The following ATP11A variants were observed in gnomAD, a reference collection of about 807,000 sequenced individuals.
ATP11A encodes the protein ATPase phospholipid transporting 11A.
Under a neutral mutation model 154.4 loss-of-function variants are expected in ATP11A, and 81 were observed. The ratio of observed to expected loss-of-function variants is 0.52; its 90% CI spans 0.44 to 0.63. ATP11A has a LOEUF of 0.63. Ranked by LOEUF, ATP11A falls within the 30% of genes least tolerant of loss-of-function variation. The pLI, the probability that ATP11A is intolerant of heterozygous loss-of-function variation, is 0.00. For missense variants in ATP11A, 1,316 were observed against 1,474.3 expected (o/e 0.89, Z 1.76); for synonymous variants, 623 against 585.9 (o/e 1.06, Z -0.91).
Position 112,826,765 on chromosome 13 carries a change from C to T in ATP11A, c.1095C>T (p.Tyr365=), listed in dbSNP as rs748032827. The part of the protein sequence containing the change: ...LFNYIIPVSM[Y]VTVEMQKFLG... The stretch of plus-strand genomic sequence containing the variant: ...ACTACATCATCCCTGTGTCCATGTA[C>T]GTCACGGTCGAGATGCAGAAGTTCC... The change falls in exon 12 of 30, where the codon TAC becomes TAT. Residue 365 remains tyrosine, a synonymous_variant. Transcript: ENST00000375645. The T allele has an allele frequency of 7.4e-6, 12 of 1,614,178 alleles. No individual in the cohort carries two copies. The highest frequency in any genetic ancestry group is 4.0e-5 in the African/African-American group (3 of 75,032).
In ATP11A at chr13:112,746,699, C is replaced by T. The variant is rs1469301537; in HGVS notation, c.40-38436C>T. On this transcript the variant is annotated intron_variant, in intron 1 of 29. Transcript: ENST00000375645. This position sits in a 1 kb window ranked among gnomAD's most constrained non-coding sequence, Gnocchi z 4.1. ...TAGCTGGGATCACAGGCGTGCACCA[C>T]CATGCCTGGCTAATTAAAAAAAAAA... 6.8e-6 allele frequency: 1 copy of T among 147,974 alleles called. No homozygotes were observed. The highest frequency in any genetic ancestry group is 2.5e-5 in the African/African-American group (1 of 39,512). 9.2% of individuals were successfully genotyped at this position (147,974 alleles called of 1,614,324 possible). A position where few individuals can be genotyped will look rare whatever the true frequency, so the allele number is the denominator to read the frequency against.
At chr13:112,806,445 T>C (rs1306662427) in intron 4 of ATP11A, 152 bp downstream of exon 4, 1 of 629,084 alleles carries the variant, frequency 1.6e-6, no homozygotes, top group South Asian at 1.9e-5. Context: ...GTTAGATTGA[T>C]ACTTGAAGCG....
At chr13:112,700,113 G>T (rs1268606850) in intron 1 of ATP11A, among the ~76,000 whole-genome samples, 6 of 148,366 alleles carry the variant, frequency 4.0e-5, no homozygotes, top group East Asian at 2.0e-4. Flanking sequence ...GAAGGTAAAA[G>T]ATTTTAAAGA....
At chr13:112,878,799 G>T (rs9549597) in intron 29 of ATP11A, among the ~76,000 whole-genome samples, 1 of 152,080 alleles carries the variant, frequency 6.6e-6, no homozygotes, top group African/African-American at 2.4e-5. Flanking sequence ...AGGATAACAC[G>T]GTTTGCTCAG....
At chr13:112,755,465 C>T (rs982533629) in intron 1 of ATP11A, among the ~76,000 whole-genome samples, 1 of 152,216 alleles carries the variant, frequency 6.6e-6, no homozygotes, top group Non-Finnish European at 1.5e-5. Flanking sequence ...TATGGGATCC[C>T]TCCAGGTCCT....
In ATP11A at chr13:112,785,990, C is replaced by G. The variant is rs1278661; in HGVS notation, c.162+733C>G. Among the ~76,000 whole-genome samples the G allele has an allele frequency of 0.43, 43,454 of 102,136 alleles. 9,870 individuals carry two copies. Among genetic ancestry groups the G allele is most frequent in the African/African-American group, 0.58 (14,204 of 24,282 alleles). 67.0% of individuals were successfully genotyped at this position (102,136 alleles called of 152,430 possible). On this transcript the variant is annotated intron_variant, in intron 2 of 29. Transcript: ENST00000375645. The surrounding 1 kb of genome is among the most constrained non-coding windows in gnomAD (Gnocchi z 4.8). ...CTTCAAAATGGATGAGCTAAACCCACGCACACGCGTGGACGGGCTGCACAT... is the reference window on the plus strand; with the variant it reads ...CTTCAAAATGGATGAGCTAAACCCAGGCACACGCGTGGACGGGCTGCACAT...
chr13:112,794,248 T>C lies in ATP11A; in HGVS notation c.162+8991T>C, dbSNP rs1040016261. ...TCGAAGGGCCCAGTGTTACATTACA[T>C]TGTGTCCCCAGGCAAATACTTACAT... On this transcript the variant is annotated intron_variant, in intron 2 of 29. Coordinates refer to ENST00000375645, the MANE Select transcript of ATP11A (RefSeq NM_015205.3). Among the ~76,000 whole-genome samples, 4 of 152,164 alleles carry C rather than the reference T, an allele frequency of 2.6e-5. No homozygotes were observed. The South Asian group carries it at 6.2e-4, about 24-fold the overall frequency.
chr13:112,778,514 G>C (rs1443031750), intron 1 of ATP11A, among the ~76,000 whole-genome samples: 1 of 152,264 alleles, frequency 6.6e-6, no homozygotes, highest in Non-Finnish European at 1.5e-5. Flanking sequence ...AGGGAGCATT[G>C]CTTGAGCCCA....
intron 1 of ATP11A, among the ~76,000 whole-genome samples, chr13:112,734,453 A>G (rs1273939633): frequency 1.3e-5 from 2 of 152,118 alleles, no homozygotes; most frequent in Non-Finnish European, 2.9e-5. Context: ...CTTTATTTCT[A>G]ATTTGCAAAC....
chr13:112,697,556 C>T lies in ATP11A; in HGVS notation c.39+7101C>T, dbSNP rs1886019668. 6.6e-6 allele frequency among the ~76,000 whole-genome samples: 1 copy of T among 152,008 alleles called. No individual in the cohort carries two copies. Among genetic ancestry groups the T allele is most frequent in the Non-Finnish European group, 1.5e-5 (1 of 67,988 alleles). ...CGAGGGCCTCCTCATAGTTTTAAAA[C>T]TCTTTATTTTATTTTTATTTTTTAT... On this transcript the variant is annotated intron_variant, in intron 1 of 29. Coordinates refer to ENST00000375645, the MANE Select transcript of ATP11A (RefSeq NM_015205.3). The surrounding 1 kb of genome is among the most constrained non-coding windows in gnomAD (Gnocchi z 4.0).
At chr13:112,861,778 G>A (rs974696946) in intron 24 of ATP11A, among the ~76,000 whole-genome samples, 1 of 152,148 alleles carries the variant, frequency 6.6e-6, no homozygotes, top group African/African-American at 2.4e-5. Context: ...AAAGAAAATG[G>A]GAATAAATCT....
At chr13:112,733,798 T>C (rs537900967) in intron 1 of ATP11A, among the ~76,000 whole-genome samples, 1 of 152,364 alleles carries the variant, frequency 6.6e-6, no homozygotes, top group South Asian at 2.1e-4. Context: ...CTGTTTTGTC[T>C]AAGAGCTCCA....
chr13:112,809,286 C>T (rs1222767066), intron 4 of ATP11A, among the ~76,000 whole-genome samples: 1 of 152,254 alleles, frequency 6.6e-6, no homozygotes, highest in African/African-American at 2.4e-5. Flanking sequence ...CACAGTGTCA[C>T]TTATTAATGG....
At chr13:112,834,357 CCAAGGAGGGTTGGGT>C (rs1418998765) in intron 14 of ATP11A, among the ~76,000 whole-genome samples, 1 of 152,218 alleles carries the variant, frequency 6.6e-6, no homozygotes, top group Non-Finnish European at 1.5e-5. Context: ...CTGCTGTGTG[CCAAGGAGGGTTGGGT>C]TGGGTAGAAA....
At chr13:112,865,247 G>T (rs12877285) in intron 25 of ATP11A, among the ~76,000 whole-genome samples, 43 of 37,136 alleles carry the variant, frequency 1.2e-3, no homozygotes, top group East Asian at 3.2e-3. Flanking sequence ...TCACCACATG[G>T]GCAGTAATTC....
At chr13:112,760,024 T>G (rs2076928799) in intron 1 of ATP11A, among the ~76,000 whole-genome samples, 1 of 152,158 alleles carries the variant, frequency 6.6e-6, no homozygotes. Flanking sequence ...CAATATGCCT[T>G]AGGGTGGCAG....
chr13:112,780,536 G>C (rs1314665089), intron 1 of ATP11A, among the ~76,000 whole-genome samples: 1 of 152,192 alleles, frequency 6.6e-6, no homozygotes, highest in African/African-American at 2.4e-5. Context: ...CAGTGGACGC[G>C]CGTTTGGAGG....
chr13:112,860,305 T>G lies in ATP11A; in HGVS notation c.2746T>G (p.Tyr916Asp), dbSNP rs753103273. 1.2e-6 allele frequency: 2 copies of G among 1,614,062 alleles called. No homozygotes were observed. Among genetic ancestry groups the G allele is most frequent in the Admixed American group, 3.3e-5 (2 of 60,004 alleles). ...FSQQTLYDTA[Y>D]LTLYNISFTS... ...CTTACAGACTTTGTACGACACCGCG[T>G]ATCTGACCCTCTACAACATCAGCTT... is the stretch of plus-strand genomic sequence containing the variant. Residue 916 changes from tyrosine to aspartate, a missense_variant, in exon 24 of 30, where the codon TAT (tyrosine) becomes GAT (aspartate). Physicochemically the swap from Tyr to Asp is radical, Grantham distance 160 (BLOSUM62 -3). Coordinates refer to ENST00000375645, the MANE Select transcript of ATP11A (RefSeq NM_015205.3).
At chr13:112,822,257 A>G (rs1183657688) in intron 8 of ATP11A, among the ~76,000 whole-genome samples, 1 of 152,234 alleles carries the variant, frequency 6.6e-6, no homozygotes, top group Non-Finnish European at 1.5e-5. Flanking sequence ...TACTTAGGAA[A>G]TGAGAAGAGA....
Sources: gnomAD v4.1 joint callset for allele counts (sites outside exome capture counted in the v4.1 genomes callset) on GRCh38, gnomAD v4.1.1 for gene constraint, Gnocchi (gnomAD v3.1) non-coding constraint, MANE v1.5 for transcripts, NCBI Gene and HGNC (gene_info 2026-07-23, HGNC 2026-07-21) for gene names.